SLC10A7: variants seen among roughly 807,000 people sequenced by gnomAD.
SLC10A7 encodes the protein sodium/bile acid cotransporter 7.
A neutral mutation model predicts 43.2 loss-of-function variants in SLC10A7; 29 were observed. The ratio of observed to expected loss-of-function variants is 0.67; its 90% confidence interval spans 0.50 to 0.92. The LOEUF is 0.92. Ranked by LOEUF, SLC10A7 falls within the 40% of genes least tolerant of loss-of-function variation. The pLI is 0.00. For synonymous variants in SLC10A7, 152 were observed against 144.8 expected (o/e 1.05, Z -0.35); for missense variants, 295 against 403.2 (o/e 0.73, Z 2.30).
At chr4:146,496,299 A>G (rs1735893255) in intron 4 of SLC10A7, among the ~76,000 whole-genome samples, 1 of 152,106 alleles carries the variant, frequency 6.6e-6, no homozygotes, top group South Asian at 2.1e-4. Context: ...AGAACACAAT[A>G]CCCTAAAGCA....
chr4:146,519,072 T>TAG (rs1738309325), intron 1 of SLC10A7, among the ~76,000 whole-genome samples: 1 of 10,664 alleles, frequency 9.4e-5, no homozygotes, highest in Non-Finnish European at 1.3e-4. Context: ...TCACCATATA[T>TAG]ATATATATAT....
At chr4:146,424,675 A>T (rs548114254) in intron 5 of SLC10A7, among the ~76,000 whole-genome samples, 3 of 152,008 alleles carry the variant, frequency 2.0e-5, no homozygotes, top group African/African-American at 7.2e-5. Context: ...AAAACAAAAA[A>T]AAAACAAAAA....
chr4:146,456,379 C>G (rs1415773082), intron 4 of SLC10A7, among the ~76,000 whole-genome samples: 1 of 151,850 alleles, frequency 6.6e-6, no homozygotes, highest in Non-Finnish European at 1.5e-5. Flanking sequence ...TGTTAACCAC[C>G]TAGAATTAGT....
At chr4:146,310,296 A>G (rs989409939) in intron 6 of SLC10A7, among the ~76,000 whole-genome samples, 3 of 152,078 alleles carry the variant, frequency 2.0e-5, no homozygotes, top group African/African-American at 4.8e-5. Context: ...GAGTGTATGT[A>G]TCTTTTTGAT....
At chr4:146,440,898 A>G (rs1235939383) in intron 5 of SLC10A7, among the ~76,000 whole-genome samples, 1 of 152,136 alleles carries the variant, frequency 6.6e-6, no homozygotes, top group African/African-American at 2.4e-5. Context: ...CCATACCTCA[A>G]GGCCCAGCTC....
At chr4:146,417,350 G>A (rs189405927) in intron 5 of SLC10A7, among the ~76,000 whole-genome samples, 9 of 152,228 alleles carry the variant, frequency 5.9e-5, no homozygotes, top group East Asian at 1.9e-4. Context: ...AGTCATTGAA[G>A]GATTTTAAGC....
intron 5 of SLC10A7, among the ~76,000 whole-genome samples, chr4:146,378,409 A>G (rs1209721616): frequency 1.3e-5 from 2 of 152,228 alleles, no homozygotes; most frequent in Non-Finnish European, 2.9e-5. Context: ...CTGAATCACA[A>G]AGATAACCAG....
At chr4:146,445,986 G>C (rs1731041829) in intron 4 of SLC10A7, among the ~76,000 whole-genome samples, 2 of 151,970 alleles carry the variant, frequency 1.3e-5, no homozygotes, top group Non-Finnish European at 2.9e-5. Flanking sequence ...ACAGGATAGG[G>C]GGTGGGGCAG....
At chr4:146,483,144 A>G (rs924017993) in intron 4 of SLC10A7, among the ~76,000 whole-genome samples, 25 of 152,236 alleles carry the variant, frequency 1.6e-4, no homozygotes, top group African/African-American at 6.0e-4. Context: ...AATACATATG[A>G]AAGTATAAAA....
At chr4:146,327,643 A>G (rs1733227960) in intron 5 of SLC10A7, among the ~76,000 whole-genome samples, 1 of 152,244 alleles carries the variant, frequency 6.6e-6, no homozygotes, top group Non-Finnish European at 1.5e-5. Flanking sequence ...CAAGAGATTC[A>G]AGAGTAAGTA....
intron 5 of SLC10A7, among the ~76,000 whole-genome samples, chr4:146,421,360 A>C (rs573091844): frequency 3.3e-5 from 5 of 152,052 alleles, no homozygotes; most frequent in Non-Finnish European, 5.9e-5. Context: ...ACAATTGAAA[A>C]GCTCTAGCCA....
At chr4:146,411,663 T>C (rs1473525745) in intron 5 of SLC10A7, among the ~76,000 whole-genome samples, 1 of 152,190 alleles carries the variant, frequency 6.6e-6, no homozygotes, top group Non-Finnish European at 1.5e-5. Context: ...GTGAGGGTGA[T>C]AGCAATGATG....
intron 5 of SLC10A7, among the ~76,000 whole-genome samples, chr4:146,406,514 C>T (rs1482881622): frequency 6.6e-6 from 1 of 152,152 alleles, no homozygotes; most frequent in Admixed American, 6.5e-5. Flanking sequence ...GAAAGCCTTG[C>T]CATGTCCTGA....
intron 5 of SLC10A7, among the ~76,000 whole-genome samples, chr4:146,358,898 A>G (rs1223895328): frequency 6.6e-6 from 1 of 152,178 alleles, no homozygotes; most frequent in Non-Finnish European, 1.5e-5. Flanking sequence ...CTGAGAGTAG[A>G]ACTCCTAAGT....
intron 10 of SLC10A7, among the ~76,000 whole-genome samples, chr4:146,262,879 G>A (rs1179758661): frequency 1.3e-5 from 2 of 152,190 alleles, no homozygotes; most frequent in African/African-American, 2.4e-5. Context: ...GTCACATCAC[G>A]CAGAAGTGTA....
At chr4:146,446,303 A>C (rs1048426971) in intron 4 of SLC10A7, among the ~76,000 whole-genome samples, 2 of 152,120 alleles carry the variant, frequency 1.3e-5, no homozygotes, top group Non-Finnish European at 2.9e-5. Flanking sequence ...CTGGCTGGGC[A>C]TGGTGACTCA....
At chr4:146,320,739 C>A (rs560626973) in intron 6 of SLC10A7, among the ~76,000 whole-genome samples, 8 of 152,024 alleles carry the variant, frequency 5.3e-5, no homozygotes, top group Non-Finnish European at 1.0e-4. Flanking sequence ...AAGATGCTAA[C>A]ATTTTTTTTG....
intron 5 of SLC10A7, among the ~76,000 whole-genome samples, chr4:146,397,142 A>T (rs1738887796): frequency 6.6e-6 from 1 of 152,122 alleles, no homozygotes; most frequent in African/African-American, 2.4e-5. Context: ...TTGTTTTTTT[A>T]AAGTATTTAT....
chr4:146,502,962 G>T (rs1172246273), intron 4 of SLC10A7, among the ~76,000 whole-genome samples: 1 of 152,130 alleles, frequency 6.6e-6, no homozygotes, highest in East Asian at 1.9e-4. Context: ...TCTTGATTGT[G>T]GTGATGGTTT....
Sources: gnomAD v4.1 joint callset for allele counts (sites outside exome capture counted in the v4.1 genomes callset) on GRCh38, gnomAD v4.1.1 for gene constraint, MANE v1.5 for transcripts, NCBI Gene and HGNC (gene_info 2026-07-23, HGNC 2026-07-21) for gene names.